The following PBK variants were observed in gnomAD, a reference collection of about 807,000 sequenced individuals.
The protein encoded by PBK is lymphokine-activated killer T-cell-originated protein kinase.
PBK carries 22 observed loss-of-function variants against 33.5 expected under a neutral mutation model. That is an observed-to-expected ratio of 0.66 (90% CI 0.47 to 0.94). The LOEUF is 0.94. Ranked by LOEUF, PBK falls within the 40% of genes least tolerant of loss-of-function variation. The pLI is 0.00. For missense variants in PBK, 376 were observed against 383.4 expected (o/e 0.98, Z 0.16); for synonymous variants, 129 against 123.8 (o/e 1.04, Z -0.28).
chr8:27,828,234 AAAAT>A, intron 2 of PBK, 36 bp from the exon 3 acceptor site: 1 of 940,760 alleles, frequency 1.1e-6, no homozygotes, highest in Non-Finnish European at 1.6e-6. Flanking sequence ...AAATTAATAA[AAAAT>A]AAAAATAAAG....
At chr8:27,828,548 T>C (rs1012240131) in intron 2 of PBK, among the ~76,000 whole-genome samples, 1 of 152,030 alleles carries the variant, frequency 6.6e-6, no homozygotes, top group Non-Finnish European at 1.5e-5. Context: ...GAGGGTCACT[T>C]GAGCCCAGTA....
chr8:27,813,214 A>G (rs1805731302), intron 6 of PBK, among the ~76,000 whole-genome samples: 1 of 152,180 alleles, frequency 6.6e-6, no homozygotes, highest in South Asian at 2.1e-4. Flanking sequence ...AAACTATCAC[A>G]AGGACAGAAA....
chr8:27,834,121 A>T lies in PBK; in HGVS notation c.-20-988T>A, dbSNP rs191296750. Among the ~76,000 whole-genome samples the T allele has an allele frequency of 4.0e-5, 6 of 150,800 alleles. No homozygotes were observed. The East Asian group carries it at 1.2e-3, about 30-fold the overall frequency. On this transcript the variant is annotated intron_variant, in intron 1 of 7. Coordinates refer to ENST00000301905, the MANE Select transcript of PBK (RefSeq NM_018492.4). ...CGACTCACTGCAACCTCTGCCTCCC[A>T]GGTTCAAGCAATTCTCCTGCCTTAG...
In PBK at chr8:27,832,937, G is replaced by A. The variant is rs1469509564; in HGVS notation, c.58+119C>T. 7 of 616,198 alleles carry A rather than the reference G, an allele frequency of 1.1e-5. No homozygotes were observed. In the Admixed American group the frequency reaches 1.8e-4, roughly 16 times the overall value. The allele number at this position is 616,198 out of a possible 1,614,324, so 38.2% of individuals were successfully genotyped here. A position where few individuals can be genotyped will look rare whatever the true frequency, so the allele number is the denominator to read the frequency against. ...TATTTGTTAAGATTAACATCATAAA[G>A]GGGAGTTACATTAAAGTTTCTAAGT... On this transcript the variant is annotated intron_variant, in intron 2 of 7. Transcript: ENST00000301905.
intron 5 of PBK, 33 bp from the exon 6 acceptor site, chr8:27,820,727 A>T (rs770708233): frequency 1.6e-6 from 2 of 1,290,036 alleles, no homozygotes; most frequent in East Asian, 2.4e-5. Context: ...ACATATGTGC[A>T]GAAACACAAA....
chr8:27,822,614 C>T (rs1805952081), intron 4 of PBK, 126 bp from the exon 5 acceptor site: 3 of 594,350 alleles, frequency 5.0e-6, no homozygotes, highest in Admixed American at 3.7e-5. Context: ...GAAACAGCTA[C>T]TATTTACAAG....
intron 6 of PBK, among the ~76,000 whole-genome samples, chr8:27,815,735 A>G (rs991881389): frequency 2.0e-5 from 3 of 152,246 alleles, no homozygotes; most frequent in Non-Finnish European, 4.4e-5. Context: ...TCGAACCACA[A>G]GTGCATTTCC....
rs1805638167 is a variant in PBK, at chr8:27,809,998, G to T, written c.*307C>A. ...TATTTAAGAAAGATCATTAATAAAA[G>T]TAATGGTCATTCAATTTAATGTTAC... On this transcript the variant is annotated 3_prime_UTR_variant, in exon 8 of 8. Transcript: ENST00000301905. The T allele has an allele frequency of 4.8e-5, 14 of 291,998 alleles. No homozygotes were observed. In the South Asian group the frequency reaches 6.7e-4, roughly 14 times the overall value. The allele number at this position is 291,998 out of a possible 1,614,324, so 18.1% of individuals were successfully genotyped here.
rs2128963266 is a variant in PBK at position 27,820,680 on chromosome 8, T to C, written c.480A>G (p.Glu160=). 8 of 1,560,198 alleles carry C rather than the reference T, an allele frequency of 5.1e-6. No individual in the cohort carries two copies. In the East Asian group the frequency reaches 1.6e-4, roughly 31 times the overall value. ...MARGLKYLHQ[E]KKLLHGDIKS... is the part of the protein sequence containing the mutation. ...TTATGTCTCCATGAAGCAGTTTCTT[T>C]TCTTGGTGCAGATACTAAAATAGTA... is the stretch of plus-strand genomic sequence containing the variant. The change falls in exon 6 of 8, where the codon GAA becomes GAG. Residue 160 remains glutamate (E), a synonymous_variant. Coordinates refer to ENST00000301905, the MANE Select transcript of PBK (RefSeq NM_018492.4).
intron 3 of PBK, among the ~76,000 whole-genome samples, chr8:27,826,653 G>A (rs1403126004): frequency 2.3e-5 from 3 of 128,730 alleles, no homozygotes; most frequent in African/African-American, 6.5e-5. Context: ...AAAATTAGCC[G>A]GGCGTGGTGG....
chr8:27,829,626 G>C (rs1347431536), intron 2 of PBK, among the ~76,000 whole-genome samples: 1 of 152,162 alleles, frequency 6.6e-6, no homozygotes, highest in Non-Finnish European at 1.5e-5. Context: ...CCAGCACTTT[G>C]GGAGGCCGAG....
intron 1 of PBK, among the ~76,000 whole-genome samples, chr8:27,835,033 T>C (rs937922721): frequency 2.0e-5 from 3 of 152,174 alleles, no homozygotes; most frequent in African/African-American, 4.8e-5. Context: ...AAAAATTAGG[T>C]TTCCTATTAG....
At chr8:27,811,540 T>C (rs1016881424) in intron 6 of PBK, among the ~76,000 whole-genome samples, 30 of 152,144 alleles carry the variant, frequency 2.0e-4, no homozygotes, top group African/African-American at 6.5e-4. Context: ...AGAAGTACCA[T>C]TTCTATGCTT....
At chr8:27,821,639 G>A (rs767686091) in intron 5 of PBK, among the ~76,000 whole-genome samples, 3 of 152,056 alleles carry the variant, frequency 2.0e-5, no homozygotes, top group Non-Finnish European at 4.4e-5. Context: ...TGGTTAACTT[G>A]GTAAGTTAAC....
At chr8:27,815,254 A>G (rs1039112540) in intron 6 of PBK, among the ~76,000 whole-genome samples, 10 of 152,366 alleles carry the variant, frequency 6.6e-5, no homozygotes, top group Admixed American at 6.5e-4. Context: ...ATTCCAGTTA[A>G]CAAGCACTCA....
chr8:27,815,631 C>T (rs1019794236), intron 6 of PBK, among the ~76,000 whole-genome samples: 3 of 152,190 alleles, frequency 2.0e-5, no homozygotes, highest in Non-Finnish European at 4.4e-5. Context: ...TGTACACATA[C>T]ATTCTAAGTA....
chr8:27,814,113 A>G (rs955218749), intron 6 of PBK, among the ~76,000 whole-genome samples: 1 of 152,160 alleles, frequency 6.6e-6, no homozygotes, highest in Non-Finnish European at 1.5e-5. Context: ...ATTTTCTGAA[A>G]AAGTTTGTGT....
intron 1 of PBK, among the ~76,000 whole-genome samples, chr8:27,835,553 A>AT (rs5890383): frequency 0.26 from 38,108 of 145,166 alleles, 5,809 homozygotes; most frequent in Middle Eastern, 0.35. Flanking sequence ...ATCTTCTAAG[A>AT]TTTTTTTTTT....
In PBK at chr8:27,820,704, T is replaced by TA. The variant is rs200184567; in HGVS notation, c.466-11dup. 3,043 of 1,477,678 alleles carry TA rather than the reference T, an allele frequency of 2.1e-3. 41 individuals carry two copies. The African/African-American group carries it at 0.033, about 16-fold the overall frequency. The allele number at this position is 1,477,678 out of a possible 1,614,324, so 91.5% of individuals were successfully genotyped here. ...TTTCTTGGTGCAGATACTAAAATAG[T>TA]AAAAAATTTAACACATATGTGCAGA... On this transcript the variant is annotated splice_polypyrimidine_tract_variant and intron_variant, in intron 5 of 7. Transcript: ENST00000301905.
Sources: gnomAD v4.1 joint callset for allele counts (sites outside exome capture counted in the v4.1 genomes callset) on GRCh38, gnomAD v4.1.1 for gene constraint, MANE v1.5 for transcripts, NCBI Gene and HGNC (gene_info 2026-07-23, HGNC 2026-07-21) for gene names.